The following ITGA6 variants were observed in gnomAD, a reference collection of about 807,000 sequenced individuals.
The protein encoded by ITGA6 is integrin subunit alpha 6, also known as integrin alpha-6.
ITGA6 carries 63 observed loss-of-function variants against 133.6 expected under a neutral mutation model. The observed-to-expected ratio is 0.47, with a 90% CI of 0.38 to 0.58. The LOEUF is 0.58. ITGA6 is among the 20% of genes least tolerant of loss of function. The probability of loss-of-function intolerance (pLI) is 0.00; values close to 1 mark genes in which losing one functional copy is unlikely to be tolerated. For synonymous variants in ITGA6, 434 were observed against 482.0 expected, an observed-to-expected ratio of 0.90 and a Z score of 1.30; for missense variants, 1,068 against 1,309.4, an observed-to-expected ratio of 0.82 and a Z score of 2.85.
At chr2:172,482,954 G>A (rs1248139582) in intron 11 of ITGA6, among the ~76,000 whole-genome samples, 1 of 152,236 alleles carries the variant, frequency 6.6e-6, no homozygotes, top group Non-Finnish European at 1.5e-5. Flanking sequence ...ATCAGGTGTT[G>A]TGCTAGTTGC....
At chr2:172,465,380 C>T in intron 1 of ITGA6, 159 bp from the exon 2 acceptor site, 1 of 863,558 alleles carries the variant, frequency 1.2e-6, no homozygotes, top group East Asian at 2.5e-5. Flanking sequence ...ATGAACCAGC[C>T]ATAGGACTCT....
At chr2:172,490,593 T>C (rs906198337) in intron 20 of ITGA6, among the ~76,000 whole-genome samples, 2 of 152,232 alleles carry the variant, frequency 1.3e-5, no homozygotes, top group African/African-American at 4.8e-5. Context: ...CTGAATGAGC[T>C]ATATAATGGG....
intron 19 of ITGA6, among the ~76,000 whole-genome samples, chr2:172,488,763 G>A (rs1183988732): frequency 6.6e-6 from 1 of 152,198 alleles, no homozygotes. Context: ...TGTGGTGAAA[G>A]CCTCAAATGG....
chr2:172,489,504 C>G lies in ITGA6; in HGVS notation c.2525C>G (p.Pro842Arg). The change falls in exon 20 of 26, where the codon CCT (proline) becomes CGT (arginine). Residue 842 changes from proline to arginine, a missense_variant. Coordinates refer to ENST00000684293, the MANE Select transcript of ITGA6 (RefSeq NM_000210.4). ...YEFRVINLGK[P>R]LTNLGTATLN... ...TAACAGGTAATAAACTTAGGTAAAC[C>G]TCTTACAAACCTCGGCACAGCAACC... The G allele has an allele frequency of 6.2e-7, 1 of 1,613,414 alleles. No individual in the cohort carries two copies. The highest frequency in any genetic ancestry group is 8.5e-7 in the Non-Finnish European group (1 of 1,179,424).
In ITGA6 at chr2:172,487,126, C is replaced by T; in HGVS notation, c.1958C>T (p.Ser653Phe). 1.3e-5 allele frequency: 20 copies of T among 1,597,992 alleles called. No homozygotes were observed. The highest frequency in any genetic ancestry group is 1.7e-5 in the Non-Finnish European group (20 of 1,165,452). ...CTREGNQDKF[S>F]YLPIQKGVPE... ...CGAGAAGGAAATCAAGACAAATTTT[C>T]TTATTTACCAATGTAAGAATCGTTG... The change falls in exon 14 of 26, where the codon TCT becomes TTT. Residue 653 changes from serine (S) to phenylalanine (F), a missense_variant. This residue lies in a region of ITGA6 where 609 missense variants were observed against 707.2 expected (regional missense o/e 0.86). Transcript: ENST00000684293.
chr2:172,469,121 G>A lies in ITGA6; in HGVS notation c.388-4G>A. The A allele has an allele frequency of 6.2e-7, 1 of 1,614,066 alleles. No homozygotes were observed. The highest frequency in any genetic ancestry group is 8.5e-7 in the Non-Finnish European group (1 of 1,179,968). On this transcript the variant is annotated splice_region_variant and splice_polypyrimidine_tract_variant and intron_variant, in intron 3 of 25. Transcript: ENST00000684293. ...ATGGGCTACTTTCTTCCATCTGCTTGCAGACATGTGCTCACCGATATGAAA... is the reference window on the plus strand; with the variant it reads ...ATGGGCTACTTTCTTCCATCTGCTTACAGACATGTGCTCACCGATATGAAA...
chr2:172,457,967 G>A (rs1685280854), intron 1 of ITGA6, among the ~76,000 whole-genome samples: 1 of 152,086 alleles, frequency 6.6e-6, no homozygotes, highest in Non-Finnish European at 1.5e-5. Context: ...TTCATCATGT[G>A]CCCCTCCCCG....
At chr2:172,476,328 T>A in intron 8 of ITGA6, 67 bp from the exon 9 acceptor site, 1 of 885,766 alleles carries the variant, frequency 1.1e-6, no homozygotes, top group Non-Finnish European at 1.9e-6. Context: ...GTGTGTCTTT[T>A]TCAAAGCATT....
intron 1 of ITGA6, among the ~76,000 whole-genome samples, chr2:172,463,486 T>G (rs188603806): frequency 8.5e-4 from 130 of 152,316 alleles, no homozygotes; most frequent in Non-Finnish European, 4.1e-4. Context: ...GTTGTGATGT[T>G]TTATTTGTGT....
chr2:172,493,952 A>G (rs955625913), intron 23 of ITGA6, among the ~76,000 whole-genome samples: 2 of 152,152 alleles, frequency 1.3e-5, no homozygotes, highest in Admixed American at 1.3e-4. Context: ...GTGGGAATTG[A>G]TGTCTTCACA....
chr2:172,449,995 CA>C (rs1407150347), intron 1 of ITGA6, among the ~76,000 whole-genome samples: 1 of 151,114 alleles, frequency 6.6e-6, no homozygotes, highest in Non-Finnish European at 1.5e-5. Context: ...AGGATGCAAC[CA>C]GCGAAGATCT....
intron 1 of ITGA6, among the ~76,000 whole-genome samples, chr2:172,437,159 C>G (rs1684354586): frequency 6.6e-6 from 1 of 152,198 alleles, no homozygotes; most frequent in Non-Finnish European, 1.5e-5. Context: ...CTGGCTTTTA[C>G]TCATGAATGA....
rs12621278 is a variant in ITGA6, at chr2:172,446,825, A to G, written c.183-18714A>G. On this transcript the variant is annotated intron_variant, in intron 1 of 25. Transcript: ENST00000684293. ...TCCTTGCTGCAGTAGACAGTGTTTT[A>G]TTGTGGCTCTTTAAGAGATGTCTTA... Among the ~76,000 whole-genome samples, 7,976 of 152,266 alleles carry G rather than the reference A, an allele frequency of 0.052. 366 individuals carry two copies. Among genetic ancestry groups the G allele is most frequent in the East Asian group, 0.26 (1,358 of 5,178 alleles).
At chr2:172,465,778 C>T in intron 2 of ITGA6, 115 bp downstream of exon 2, 3 of 1,368,428 alleles carry the variant, frequency 2.2e-6, no homozygotes, top group South Asian at 2.3e-5. Context: ...CTTTTAATTG[C>T]ATCAGACTTG....
At position 172,475,622 on chromosome 2, in the gene ITGA6, T is replaced by C. The variant is rs767143147; in HGVS notation, c.1206T>C (p.Asp402=). The change falls in exon 8 of 26, where the codon GAT becomes GAC. Residue 402 remains aspartate, a synonymous_variant. Transcript: ENST00000684293. Reference sequence around the variant, plus strand: ...ATATTGCAGTTGGAGCTCCGTATGATGACTTGGGAAAGGTTTTTATCTATC... The same window carrying C: ...ATATTGCAGTTGGAGCTCCGTATGACGACTTGGGAAAGGTTTTTATCTATC... ...YPDIAVGAPY[D]DLGKVFIYHG... is the part of the protein sequence containing the mutation. The C allele has an allele frequency of 2.5e-6, 4 of 1,606,202 alleles. No homozygotes were observed. The highest frequency in any genetic ancestry group is 1.3e-5 in the African/African-American group (1 of 74,894).
At chr2:172,451,258 A>C (rs191137934) in intron 1 of ITGA6, among the ~76,000 whole-genome samples, 2 of 152,138 alleles carry the variant, frequency 1.3e-5, no homozygotes, top group East Asian at 3.9e-4. Context: ...TGAGGTCAGG[A>C]GTTCAAGACA....
At position 172,501,845 on chromosome 2, in the gene ITGA6, C is replaced by T. The variant is rs1279859156; in HGVS notation, c.3188C>T (p.Pro1063Leu). Reference sequence around the variant, plus strand: ...CACAAGGCTGAGATCCATGCTCAGCCATCTGATAAAGAGAGGCTTACTTCT... The same window carrying T: ...CACAAGGCTGAGATCCATGCTCAGCTATCTGATAAAGAGAGGCTTACTTCT... ...TYHKAEIHAQ[P>L]SDKERLTSDA The change falls in exon 25 of 26, where the codon CCA becomes CTA. Residue 1063 changes from proline to leucine, a missense_variant. Physicochemically the swap from Pro to Leu is moderately conservative, Grantham distance 98. Coordinates refer to ENST00000684293, the MANE Select transcript of ITGA6 (RefSeq NM_000210.4). 15 of 1,611,722 alleles carry T rather than the reference C, an allele frequency of 9.3e-6. No individual in the cohort carries two copies. The highest frequency in any genetic ancestry group is 1.3e-5 in the Non-Finnish European group (15 of 1,178,460).
At chr2:172,487,844 T>C (rs181316873) in intron 17 of ITGA6, 37 bp downstream of exon 17, 1 of 1,528,276 alleles carries the variant, frequency 6.5e-7, no homozygotes, top group Non-Finnish European at 9.1e-7. Flanking sequence ...CAGAATTATT[T>C]CATGAAAATA....
intron 12 of ITGA6, 54 bp from the exon 13 acceptor site, chr2:172,485,067 T>C: frequency 6.2e-7 from 1 of 1,604,316 alleles, no homozygotes. Context: ...TGTTTTGGAA[T>C]TCCCCAATAG....
Sources: gnomAD v4.1 joint callset for allele counts (sites outside exome capture counted in the v4.1 genomes callset) on GRCh38, gnomAD v4.1.1 for gene constraint, gnomAD v4.1.1 regional missense constraint, MANE v1.5 for transcripts, NCBI Gene and HGNC (gene_info 2026-07-23, HGNC 2026-07-21) for gene names.